Variants in MACROD2 observed in about 807,000 individuals in gnomAD.
MACROD2 encodes the protein ADP-ribose glycohydrolase MACROD2.
Under a neutral mutation model 70.4 loss-of-function variants are expected in MACROD2, and 36 were observed. The observed-to-expected ratio is 0.51, with a 90% CI of 0.39 to 0.68. The LOEUF (loss-of-function observed/expected upper bound fraction) is 0.68, where lower values mean the gene tolerates loss of function less well. MACROD2 is among the 30% of genes least tolerant of loss of function. MACROD2 has a pLI of 0.00. For missense variants in MACROD2, 496 were observed against 538.4 expected, an observed-to-expected ratio of 0.92 and a Z score of 0.78; for synonymous variants, 172 against 178.8, an observed-to-expected ratio of 0.96 and a Z score of 0.30.
intron 5 of MACROD2, among the ~76,000 whole-genome samples, chr20:14,782,082 C>T (rs1198360387): frequency 3.3e-5 from 5 of 151,862 alleles, no homozygotes; most frequent in Non-Finnish European, 5.9e-5. Flanking sequence ...TGCCACCACG[C>T]CCAGATAATT....
chr20:14,870,466 G>A lies in MACROD2; in HGVS notation c.418+185507G>A, dbSNP rs540800527. Among the ~76,000 whole-genome samples the A allele has an allele frequency of 1.1e-4, 17 of 152,262 alleles. No homozygotes were observed. In the South Asian group the frequency reaches 3.5e-3, roughly 32 times the overall value. Reference sequence around the variant, plus strand: ...TCCTTTGGGTATATAACCAGTAATAGCACTGCTGAGTCAAAGGGAATTTCT... The same window carrying A: ...TCCTTTGGGTATATAACCAGTAATAACACTGCTGAGTCAAAGGGAATTTCT... On this transcript the variant is annotated intron_variant, in intron 5 of 17. Coordinates refer to ENST00000684519, the MANE Select transcript of MACROD2 (RefSeq NM_001351661.2).
chr20:15,663,592 T>G (rs1333019456), intron 8 of MACROD2, among the ~76,000 whole-genome samples: 1 of 151,122 alleles, frequency 6.6e-6, no homozygotes, highest in African/African-American at 2.4e-5. Flanking sequence ...TTAAAACAAT[T>G]AAAAACTTGG....
At chr20:14,988,355 C>CAAAAAAAAAAAAAA (rs11087116) in intron 5 of MACROD2, among the ~76,000 whole-genome samples, 1 of 112,244 alleles carries the variant, frequency 8.9e-6, no homozygotes. Context: ...GAGACTCTGT[C>CAAAAAAAAAAAAAA]AAAAAAAAAA....
At chr20:15,018,567 A>T (rs1294659897) in intron 5 of MACROD2, among the ~76,000 whole-genome samples, 2 of 152,054 alleles carry the variant, frequency 1.3e-5, no homozygotes, top group Non-Finnish European at 2.9e-5. Flanking sequence ...ATTAGTCAGG[A>T]TTCTCTTAGA....
In MACROD2 at chr20:14,271,361, G is replaced by A. The variant is rs150740412; in HGVS notation, c.271+185633G>A. ...GAAAATCTGCTGTTCTGCAGCCACCGCTGCTGATACCCAGACAAACAGGGT... is the reference window on the plus strand; with the variant it reads ...GAAAATCTGCTGTTCTGCAGCCACCACTGCTGATACCCAGACAAACAGGGT... On this transcript the variant is annotated intron_variant, in intron 3 of 17. Coordinates refer to ENST00000684519, the MANE Select transcript of MACROD2 (RefSeq NM_001351661.2). Among the ~76,000 whole-genome samples, 117 of 152,304 alleles carry A rather than the reference G, an allele frequency of 7.7e-4. 3 individuals carry two copies. In the East Asian group the frequency reaches 0.021, roughly 27 times the overall value.
At chr20:15,786,395 A>G (rs2051928000) in intron 8 of MACROD2, among the ~76,000 whole-genome samples, 1 of 152,224 alleles carries the variant, frequency 6.6e-6, no homozygotes, top group African/African-American at 2.4e-5. Context: ...GCAAGGCATT[A>G]TAATATTGAA....
chr20:15,771,287 A>G (rs2051620919), intron 8 of MACROD2, among the ~76,000 whole-genome samples: 4 of 151,462 alleles, frequency 2.6e-5, no homozygotes. Flanking sequence ...TGATCCTCCC[A>G]CCTCAGCCTC....
intron 7 of MACROD2, among the ~76,000 whole-genome samples, chr20:15,456,823 G>T (rs1163790920): frequency 7.2e-5 from 11 of 152,114 alleles, no homozygotes; most frequent in African/African-American, 2.7e-4. Flanking sequence ...CATAGGATTT[G>T]TATTGTCTCC....
intron 2 of MACROD2, among the ~76,000 whole-genome samples, chr20:14,057,996 T>C (rs2053650170): frequency 6.6e-6 from 1 of 152,048 alleles, no homozygotes; most frequent in Non-Finnish European, 1.5e-5. Context: ...AACTATAAAA[T>C]ACAAAAGCAG....
At chr20:15,633,922 C>G (rs778244803) in intron 8 of MACROD2, among the ~76,000 whole-genome samples, 2 of 152,196 alleles carry the variant, frequency 1.3e-5, no homozygotes, top group Non-Finnish European at 2.9e-5. Context: ...TTAAGTGATA[C>G]TGCTCCTGTC....
intron 3 of MACROD2, among the ~76,000 whole-genome samples, chr20:14,319,202 A>G (rs1479940732): frequency 6.6e-6 from 1 of 151,946 alleles, no homozygotes; most frequent in African/African-American, 2.4e-5. Context: ...TGAACTACAA[A>G]CCTTACCTTC....
chr20:15,773,995 G>A lies in MACROD2; in HGVS notation c.646-88750G>A, dbSNP rs537476251. Among the ~76,000 whole-genome samples the A allele has an allele frequency of 3.4e-4, 52 of 152,212 alleles. 1 individual carries two copies. The highest frequency in any genetic ancestry group is 6.8e-4 in the Non-Finnish European group (46 of 68,002). ...AGAAAAGCAATATTGATATACATTT[G>A]CACATAGTAAAATCTGCATGAATTC... On this transcript the variant is annotated intron_variant, in intron 8 of 17. Coordinates refer to ENST00000684519, the MANE Select transcript of MACROD2 (RefSeq NM_001351661.2).
At chr20:14,782,690 G>A (rs1164128106) in intron 5 of MACROD2, among the ~76,000 whole-genome samples, 1 of 152,100 alleles carries the variant, frequency 6.6e-6, no homozygotes, top group African/African-American at 2.4e-5. Context: ...CGGAGGCCTG[G>A]TGATGACCGC....
At chr20:14,464,546 C>A (rs932904235) in intron 3 of MACROD2, among the ~76,000 whole-genome samples, 2 of 152,010 alleles carry the variant, frequency 1.3e-5, no homozygotes, top group African/African-American at 4.8e-5. Flanking sequence ...CAGTTCTGCT[C>A]CGATCTTAGT....
intron 5 of MACROD2, among the ~76,000 whole-genome samples, chr20:15,105,181 G>C (rs757270042): frequency 1.3e-5 from 2 of 152,134 alleles, no homozygotes; most frequent in Non-Finnish European, 2.9e-5. Flanking sequence ...TGGATGCAGG[G>C]ACTCAAATGA....
At chr20:15,933,194 T>C in intron 10 of MACROD2, 82 bp from the exon 11 acceptor site, 4 of 1,352,950 alleles carry the variant, frequency 3.0e-6, no homozygotes, top group Non-Finnish European at 4.2e-6. Flanking sequence ...TACAATTAAT[T>C]TCAGTGCTGC....
intron 5 of MACROD2, among the ~76,000 whole-genome samples, chr20:14,925,829 C>T (rs911049228): frequency 9.2e-5 from 14 of 152,114 alleles, no homozygotes; most frequent in Non-Finnish European, 1.6e-4. Context: ...TTTCTTGGTG[C>T]GTTTCATTGG....
At chr20:15,014,600 A>G (rs576884750) in intron 5 of MACROD2, among the ~76,000 whole-genome samples, 1 of 152,314 alleles carries the variant, frequency 6.6e-6, no homozygotes, top group Non-Finnish European at 1.5e-5. Context: ...GCCTTGTATT[A>G]AGCTTGTGGT....
At chr20:15,615,820 G>A (rs2049029591) in intron 8 of MACROD2, among the ~76,000 whole-genome samples, 1 of 152,172 alleles carries the variant, frequency 6.6e-6, no homozygotes. Flanking sequence ...AGGTACCTGT[G>A]AGAAGCATGA....
Sources: allele counts gnomAD v4.1 joint callset (sites outside exome capture counted in the v4.1 genomes callset), GRCh38; gene constraint gnomAD v4.1.1; transcripts MANE v1.5; gene names NCBI Gene and HGNC (gene_info 2026-07-23, HGNC 2026-07-21).